Variants in C12orf42 observed in about 807,000 individuals in gnomAD.
C12orf42 encodes the protein chromosome 12 open reading frame 42, also known as uncharacterized protein C12orf42.
In C12orf42, 25 loss-of-function variants were observed where a neutral mutation model predicts 21.6. The ratio of observed to expected loss-of-function variants is 1.16; its 90% CI spans 0.84 to 1.62. The LOEUF (loss-of-function observed/expected upper bound fraction) is 1.62. Ranked by LOEUF, C12orf42 falls within the 40% of genes most tolerant of loss-of-function variation. The pLI, the probability that C12orf42 is intolerant of heterozygous loss-of-function variation, is 0.00. For synonymous variants in C12orf42, 174 were observed against 175.0 expected (o/e 0.99, Z 0.05); for missense variants, 483 against 459.3 (o/e 1.05, Z -0.47).
At chr12:103,198,885 T>C in the C12orf42 span, among the ~76,000 whole-genome samples, 48 of 152,330 alleles carry the variant, frequency 3.2e-4, 1 homozygote, top group African/African-American at 1.1e-3. Flanking sequence ...GTCTTCTTGA[T>C]GGTCTGGTCT....
chr12:103,515,519 C>CAG, the C12orf42 span, among the ~76,000 whole-genome samples: 1 of 152,160 alleles, frequency 6.6e-6, no homozygotes, highest in Non-Finnish European at 1.5e-5. Context: ...ATAATGAATG[C>CAG]AGAGCTGTAC....
the C12orf42 span, among the ~76,000 whole-genome samples, chr12:103,163,582 C>T: frequency 9.9e-5 from 15 of 152,120 alleles, no homozygotes; most frequent in South Asian, 1.5e-3. Flanking sequence ...CTGTATTTGA[C>T]CTTCCATCAC....
chr12:103,259,242 T>C (rs2034768313), intron 10 of C12orf42, among the ~76,000 whole-genome samples: 1 of 152,204 alleles, frequency 6.6e-6, no homozygotes, highest in Non-Finnish European at 1.5e-5. Context: ...AATTGGATTA[T>C]AACAAGAACA....
At chr12:103,296,100 G>A (rs1038904747) in intron 4 of C12orf42, among the ~76,000 whole-genome samples, 7 of 147,612 alleles carry the variant, frequency 4.7e-5, no homozygotes, top group African/African-American at 1.0e-4. Flanking sequence ...ACCTATGAGC[G>A]AGAACAGGCG....
chr12:103,306,169 C>A lies in C12orf42; in HGVS notation c.436G>T (p.Ala146Ser), dbSNP rs78107859. 1,414 of 1,613,918 alleles carry A rather than the reference C, an allele frequency of 8.8e-4. 10 individuals carry two copies. In the African/African-American group the frequency reaches 0.015, roughly 17 times the overall value. ...GCTCTCTCCTCAGTTTCTCCTCTGG[C>A]AGTAAAAATCAATGGGGCCTCATCA... ...ETDEAPLIFT[A>S]RGETEERARG... is the part of the protein sequence containing the mutation. The change falls in exon 5 of 6, where the codon GCC becomes TCC. Residue 146 changes from alanine (A) to serine (S), a missense_variant. Physicochemically the swap from Ala to Ser is moderately conservative, Grantham distance 99. Coordinates refer to ENST00000548883, the MANE Select transcript of C12orf42 (RefSeq NM_198521.5).
intron 3 of C12orf42, among the ~76,000 whole-genome samples, chr12:103,388,647 C>A (rs938111027): frequency 7.9e-5 from 12 of 152,154 alleles, no homozygotes; most frequent in African/African-American, 2.2e-4. Flanking sequence ...GACATACTAC[C>A]TTTTCTACTC....
At chr12:103,218,520 C>A in the C12orf42 span, among the ~76,000 whole-genome samples, 1 of 152,134 alleles carries the variant, frequency 6.6e-6, no homozygotes, top group African/African-American at 2.4e-5. Flanking sequence ...TGGCAAACTG[C>A]AAAACCGAAG....
intron 2 of C12orf42, among the ~76,000 whole-genome samples, chr12:103,413,476 C>CTAT (rs4015528): frequency 0.81 from 121,188 of 150,024 alleles, 48,943 homozygotes; most frequent in Admixed American, 0.87. Context: ...GGTATTTACT[C>CTAT]TATTATTATT....
chr12:103,161,005 T>C, the C12orf42 span, among the ~76,000 whole-genome samples: 1 of 152,232 alleles, frequency 6.6e-6, no homozygotes, highest in Non-Finnish European at 1.5e-5. Flanking sequence ...AGACAACCTA[T>C]GTGAAACGTT....
the C12orf42 span, among the ~76,000 whole-genome samples, chr12:103,562,444 C>T: frequency 5.3e-5 from 8 of 152,118 alleles, no homozygotes; most frequent in Non-Finnish European, 1.2e-4. Flanking sequence ...AATGAATTAT[C>T]ATTATCCTCA....
intron 2 of C12orf42, among the ~76,000 whole-genome samples, chr12:103,472,746 C>A (rs1953729290): frequency 2.0e-5 from 3 of 152,084 alleles, no homozygotes; most frequent in Admixed American, 2.0e-4. Context: ...ATAGACAAAC[C>A]ACAATGATAA....
the C12orf42 span, among the ~76,000 whole-genome samples, chr12:103,099,175 C>T: frequency 6.6e-6 from 1 of 152,106 alleles, no homozygotes; most frequent in Non-Finnish European, 1.5e-5. Flanking sequence ...TGAAATATGA[C>T]CTGGATATTA....
chr12:103,316,379 A>G (rs1458364693), intron 4 of C12orf42, among the ~76,000 whole-genome samples: 2 of 152,090 alleles, frequency 1.3e-5, no homozygotes, highest in Non-Finnish European at 2.9e-5. Context: ...AAGAAAAACT[A>G]AGACTGTTTT....
At chr12:103,380,159 T>TA (rs2046044747) in intron 3 of C12orf42, among the ~76,000 whole-genome samples, 1 of 152,226 alleles carries the variant, frequency 6.6e-6, no homozygotes, top group African/African-American at 2.4e-5. Flanking sequence ...GTTGAACCTC[T>TA]AAAATCAAAG....
At chr12:103,549,282 A>T in the C12orf42 span, among the ~76,000 whole-genome samples, 1 of 152,168 alleles carries the variant, frequency 6.6e-6, no homozygotes, top group African/African-American at 2.4e-5. Context: ...TTTTTAAACA[A>T]TTGTAGATAC....
At chr12:103,174,468 T>C in the C12orf42 span, among the ~76,000 whole-genome samples, 104 of 152,294 alleles carry the variant, frequency 6.8e-4, 6 homozygotes, top group South Asian at 0.021. Context: ...GATACTAGCA[T>C]CAGCATTCTC....
intron 3 of C12orf42, among the ~76,000 whole-genome samples, chr12:103,377,696 C>T (rs2045823359): frequency 6.6e-6 from 1 of 152,102 alleles, no homozygotes; most frequent in Non-Finnish European, 1.5e-5. Context: ...ACTCTGCATC[C>T]AGCCCCTCAC....
the C12orf42 span, among the ~76,000 whole-genome samples, chr12:103,085,765 C>A: frequency 6.6e-6 from 1 of 152,098 alleles, no homozygotes; most frequent in African/African-American, 2.4e-5. Context: ...CTCCCTTGGT[C>A]TTTGTGTGTG....
chr12:103,081,371 C>T, the C12orf42 span: 3 of 152,174 alleles, frequency 2.0e-5, no homozygotes, highest in Non-Finnish European at 2.9e-5. Flanking sequence ...AAATTATTCC[C>T]TAGAGCTGTT....
Sources: allele counts gnomAD v4.1 joint callset (sites outside exome capture counted in the v4.1 genomes callset), GRCh38; gene constraint gnomAD v4.1.1; transcripts MANE v1.5; gene names NCBI Gene and HGNC (gene_info 2026-07-23, HGNC 2026-07-21).